DLG2: variants seen among roughly 807,000 people sequenced by gnomAD.
DLG2 encodes discs large MAGUK scaffold protein 2.
A neutral mutation model predicts 132.5 loss-of-function variants in DLG2; 45 were observed. The ratio of observed to expected loss-of-function variants is 0.34; its 90% CI spans 0.27 to 0.44. DLG2 has a LOEUF of 0.44. DLG2 is among the 20% of genes least tolerant of loss of function. DLG2 has a pLI of 1.00. For synonymous variants in DLG2, 424 were observed against 419.6 expected (o/e 1.01, Z -0.13); for missense variants, 1,045 against 1,196.9 (o/e 0.87, Z 1.87).
chr11:85,375,645 A>G (rs1433720166), intron 3 of DLG2, among the ~76,000 whole-genome samples: 1 of 152,240 alleles, frequency 6.6e-6, no homozygotes, highest in East Asian at 1.9e-4. Flanking sequence ...GTAAGTATAC[A>G]TACCCACACA....
intron 4 of DLG2, among the ~76,000 whole-genome samples, chr11:85,196,579 T>C (rs984354010): frequency 7.2e-5 from 11 of 152,216 alleles, no homozygotes; most frequent in African/African-American, 2.7e-4. Flanking sequence ...TTAAAATTAT[T>C]TGAAAATTTT....
At chr11:83,706,707 T>C (rs956493526) in intron 18 of DLG2, among the ~76,000 whole-genome samples, 2 of 152,100 alleles carry the variant, frequency 1.3e-5, no homozygotes, top group Admixed American at 6.5e-5. Context: ...TTGTCGAGAG[T>C]TGCCACATGC....
At chr11:83,507,818 A>G in intron 21 of DLG2, among the ~76,000 whole-genome samples, 1 of 140,102 alleles carries the variant, frequency 7.1e-6, no homozygotes, top group Non-Finnish European at 1.5e-5. Flanking sequence ...GAGTTTAACA[A>G]GTATTAACTC....
Position 84,036,527 on chromosome 11 carries a change from C to A in DLG2, c.919+22788G>T, listed in dbSNP as rs144043264. 3.1e-4 allele frequency among the ~76,000 whole-genome samples: 47 copies of A among 152,226 alleles called. No individual in the cohort carries two copies. In the East Asian group the frequency reaches 8.3e-3, roughly 27 times the overall value. Reference sequence around the variant, plus strand: ...TCAAAGGCATCATGAATACAAATGGCAGCAAAACTGAAGCTTTCACAATCA... The same window carrying A: ...TCAAAGGCATCATGAATACAAATGGAAGCAAAACTGAAGCTTTCACAATCA... On this transcript the variant is annotated intron_variant, in intron 11 of 27. Transcript: ENST00000376104.
At chr11:84,218,424 G>A (rs1387671746) in intron 8 of DLG2, among the ~76,000 whole-genome samples, 3 of 146,718 alleles carry the variant, frequency 2.0e-5, no homozygotes, top group Non-Finnish European at 3.0e-5. Flanking sequence ...ATTGACAGAA[G>A]GATGGACCTG....
At chr11:85,264,621 G>T (rs1297101280) in intron 4 of DLG2, among the ~76,000 whole-genome samples, 2 of 151,996 alleles carry the variant, frequency 1.3e-5, no homozygotes, top group Non-Finnish European at 2.9e-5. Context: ...TATGAATGGG[G>T]TACCATTTTA....
chr11:84,756,766 T>G (rs2066935750), intron 6 of DLG2, among the ~76,000 whole-genome samples: 1 of 152,244 alleles, frequency 6.6e-6, no homozygotes, highest in Non-Finnish European at 1.5e-5. Context: ...TTTTAATTTT[T>G]GTTTTTTAGC....
At chr11:85,624,539 C>T (rs2081936208) in intron 2 of DLG2, among the ~76,000 whole-genome samples, 1 of 152,010 alleles carries the variant, frequency 6.6e-6, no homozygotes, top group Admixed American at 6.5e-5. Flanking sequence ...GACAGTGATC[C>T]CTGCAGAATA....
At chr11:84,390,465 T>C (rs1402191478) in intron 7 of DLG2, among the ~76,000 whole-genome samples, 2 of 152,164 alleles carry the variant, frequency 1.3e-5, no homozygotes, top group African/African-American at 4.8e-5. Context: ...GTTAGAAAAA[T>C]CTAGAGTTAA....
At chr11:85,303,870 C>T (rs997804555) in intron 3 of DLG2, among the ~76,000 whole-genome samples, 1 of 152,144 alleles carries the variant, frequency 6.6e-6, no homozygotes, top group Admixed American at 6.5e-5. Flanking sequence ...TTCTCATTTA[C>T]TTTTATTTAA....
At chr11:84,834,919 TG>T (rs2079536202) in intron 6 of DLG2, among the ~76,000 whole-genome samples, 1 of 151,206 alleles carries the variant, frequency 6.6e-6, no homozygotes, top group African/African-American at 2.4e-5. Flanking sequence ...AAAAAATTTT[TG>T]GGAAAAAATC....
chr11:83,696,156 A>T (rs764520040), intron 18 of DLG2, among the ~76,000 whole-genome samples: 1 of 152,088 alleles, frequency 6.6e-6, no homozygotes, highest in Non-Finnish European at 1.5e-5. Context: ...AACAGTTAGG[A>T]GGCAATGGCA....
At chr11:84,164,010 G>A (rs902981643) in intron 8 of DLG2, among the ~76,000 whole-genome samples, 2 of 152,068 alleles carry the variant, frequency 1.3e-5, no homozygotes, top group Non-Finnish European at 2.9e-5. Flanking sequence ...TCAAGCTCAG[G>A]TAAATCATCC....
At chr11:83,469,126 C>CA (rs11464149) in intron 25 of DLG2, 75 bp downstream of exon 25, 274,649 of 956,506 alleles carry the variant, frequency 0.29, 6,266 homozygotes, top group African/African-American at 0.3. Flanking sequence ...GAGTAATGAC[C>CA]AAAAAAAAAA....
intron 19 of DLG2, among the ~76,000 whole-genome samples, chr11:83,605,779 G>C (rs1029948869): frequency 2.6e-5 from 4 of 152,224 alleles, no homozygotes; most frequent in Non-Finnish European, 5.9e-5. Flanking sequence ...ACATGCAAGA[G>C]TACTTGCAGT....
intron 6 of DLG2, among the ~76,000 whole-genome samples, chr11:84,977,856 T>C (rs1023434014): frequency 1.2e-4 from 18 of 152,296 alleles, no homozygotes; most frequent in African/African-American, 4.3e-4. Flanking sequence ...CTCTGTCAAG[T>C]ATCATTAAGA....
chr11:84,163,596 G>C (rs994752423), intron 8 of DLG2, 85 bp from the exon 9 acceptor site: 21 of 1,129,392 alleles, frequency 1.9e-5, no homozygotes, highest in Admixed American at 2.6e-5. Context: ...GCTTGGGGGT[G>C]AAATTTTCAT....
intron 6 of DLG2, among the ~76,000 whole-genome samples, chr11:84,859,844 T>C (rs1205075775): frequency 2.0e-5 from 3 of 152,024 alleles, no homozygotes; most frequent in Non-Finnish European, 4.4e-5. Context: ...TTAAAAAAAA[T>C]CAACTGTTTC....
intron 3 of DLG2, among the ~76,000 whole-genome samples, chr11:85,494,050 G>C (rs2093619812): frequency 6.6e-6 from 1 of 152,004 alleles, no homozygotes; most frequent in African/African-American, 2.4e-5. Context: ...AAGGGTAACA[G>C]AGTGCTTCCT....
Sources: gnomAD v4.1 joint callset for allele counts (sites outside exome capture counted in the v4.1 genomes callset) on GRCh38, gnomAD v4.1.1 for gene constraint, MANE v1.5 for transcripts, NCBI Gene and HGNC (gene_info 2026-07-23, HGNC 2026-07-21) for gene names.